HIRA: variants seen among roughly 807,000 people sequenced by gnomAD.
HIRA encodes histone cell cycle regulator, also known as protein HIRA.
In HIRA, 13 loss-of-function variants were observed where a neutral mutation model predicts 126.6. That is an observed-to-expected ratio of 0.10 (90% CI 0.07 to 0.16). The LOEUF is 0.16. Among genes scored for constraint, HIRA ranks in the 10% least tolerant of loss-of-function variants. The pLI is 1.00. For synonymous variants in HIRA, 511 were observed against 520.0 expected (o/e 0.98, Z 0.24); for missense variants, 834 against 1,314.4 (o/e 0.63, Z 5.65).
rs1176967053 is a variant in HIRA, at chr22:19,385,584, C to T, written c.1266G>A (p.Glu422=). 2.7e-5 allele frequency: 43 copies of T among 1,614,206 alleles called. No individual in the cohort carries two copies. The highest frequency in any genetic ancestry group is 3.6e-5 in the Non-Finnish European group (43 of 1,180,048). The stretch of plus-strand genomic sequence containing the variant: ...CTGCGACTGAGGTGGCTGAGCCCAT[C>T]TCCCTGGTCGCAGCACTCTTCTGGT... ...QLDQKSAATR[E]MGSATSVAGV... The change falls in exon 12 of 25, where the codon GAG becomes GAA. Residue 422 remains glutamate, a synonymous_variant. Coordinates refer to ENST00000263208, the MANE Select transcript of HIRA (RefSeq NM_003325.4).
At chr22:19,405,648 G>A in intron 5 of HIRA, 138 bp downstream of exon 5, 1 of 846,392 alleles carries the variant, frequency 1.2e-6, no homozygotes, top group Non-Finnish European at 1.6e-6. Context: ...GGCAGGGTGT[G>A]ACTGATTGTG....
At chr22:19,367,405 T>C (rs1442280476) in intron 15 of HIRA, among the ~76,000 whole-genome samples, 1 of 151,378 alleles carries the variant, frequency 6.6e-6, no homozygotes, top group African/African-American at 2.4e-5. Context: ...CTCACTCTGT[T>C]GCTCAGGCTG....
intron 1 of HIRA, among the ~76,000 whole-genome samples, chr22:19,429,012 G>A (rs1350012021): frequency 1.3e-5 from 2 of 152,022 alleles, no homozygotes; most frequent in African/African-American, 4.8e-5. Context: ...CTCCTCCAGG[G>A]CAGTGGTAAT....
At chr22:19,412,937 G>C (rs2089365674) in intron 1 of HIRA, among the ~76,000 whole-genome samples, 1 of 152,162 alleles carries the variant, frequency 6.6e-6, no homozygotes, top group East Asian at 1.9e-4. Flanking sequence ...TTCACAAGCA[G>C]AAAGCCACCT....
chr22:19,420,715 T>TAA lies in HIRA; in HGVS notation c.38-9939_38-9938dup, dbSNP rs35873008. ...GAGCGACAAAGTAAGACCTTGTCTT[T>TAA]AAAAAAAAAAGTTATCTGCAAGGGT... is the stretch of plus-strand genomic sequence containing the variant. On this transcript the variant is annotated intron_variant, in intron 1 of 24. Coordinates refer to ENST00000263208, the MANE Select transcript of HIRA (RefSeq NM_003325.4). 4.4e-3 allele frequency among the ~76,000 whole-genome samples: 652 copies of TAA among 149,256 alleles called. 5 individuals are homozygous for TAA. Among genetic ancestry groups the TAA allele is most frequent in the African/African-American group, 0.015 (614 of 40,846 alleles).
chr22:19,361,486 G>C (rs905438516), intron 16 of HIRA, 145 bp from the exon 17 acceptor site: 10 of 784,364 alleles, frequency 1.3e-5, no homozygotes, highest in Non-Finnish European at 1.9e-5. Context: ...AATGCTACAA[G>C]GATCCTAACC....
intron 5 of HIRA, among the ~76,000 whole-genome samples, chr22:19,405,120 G>A (rs1406442554): frequency 6.6e-6 from 1 of 151,760 alleles, no homozygotes; most frequent in Non-Finnish European, 1.5e-5. Context: ...TCCCTGCCTT[G>A]TCTATAAAGA....
intron 23 of HIRA, among the ~76,000 whole-genome samples, chr22:19,353,076 G>C (rs1228927530): frequency 6.6e-6 from 1 of 152,236 alleles, no homozygotes; most frequent in African/African-American, 2.4e-5. Context: ...CATAGAATCT[G>C]CTCCTTCAGA....
At chr22:19,356,430 T>C (rs891380530) in intron 19 of HIRA, 142 bp from the exon 20 acceptor site, 14 of 680,800 alleles carry the variant, frequency 2.1e-5, no homozygotes, top group Non-Finnish European at 3.6e-5. Flanking sequence ...GGGCTACGAG[T>C]GGCTTCTGCT....
intron 24 of HIRA, among the ~76,000 whole-genome samples, chr22:19,339,988 CAGAG>C (rs2088609258): frequency 6.6e-6 from 1 of 152,094 alleles, no homozygotes. Context: ...TTACAAAAGA[CAGAG>C]AAAGAGGGAA....
intron 15 of HIRA, among the ~76,000 whole-genome samples, chr22:19,363,457 G>A (rs1329985832): frequency 6.6e-6 from 1 of 151,594 alleles, no homozygotes; most frequent in African/African-American, 2.4e-5. Flanking sequence ...CAAAAAATAA[G>A]TAAATAAATA....
chr22:19,423,458 CACACACTGACTCACACACATGCAT>C (rs1223125944), intron 1 of HIRA, among the ~76,000 whole-genome samples: 1 of 149,728 alleles, frequency 6.7e-6, no homozygotes, highest in Non-Finnish European at 1.5e-5. Flanking sequence ...TGAAAACATA[CACACACTGACTCACACACATGCAT>C]ACACACACAC....
Position 19,375,760 on chromosome 22 carries a change from G to A in HIRA, c.1646C>T (p.Ser549Leu), listed in dbSNP as rs770436579. 13 of 1,614,056 alleles carry A rather than the reference G, an allele frequency of 8.1e-6. No homozygotes were observed. The highest frequency in any genetic ancestry group is 1.3e-5 in the African/African-American group (1 of 74,908). ...MNATSTPAAL[S>L]PSVLTTPSKI... ...GGACGGGGTCGTTAACACAGAAGGT[G>A]ACAATGCAGCAGGAGTAGAGGTAGC... The change falls in exon 15 of 25, where the codon TCA (serine) becomes TTA (leucine). Residue 549 changes from serine (S) to leucine (L), a missense_variant. Physicochemically the swap from Ser to Leu is moderately radical, Grantham distance 145 (BLOSUM62 -2). This residue lies in a region of HIRA where 468 missense variants were observed against 574.2 expected (regional missense o/e 0.82). Transcript: ENST00000263208.
chr22:19,431,552 G>C lies in HIRA; in HGVS notation c.-76C>G. ...GCGCCCGGGCCATGGAGCCACCGCCGCCGCTTCCTCCCGCGCCACCCGCCC... is the reference window on the plus strand; with the variant it reads ...GCGCCCGGGCCATGGAGCCACCGCCCCCGCTTCCTCCCGCGCCACCCGCCC... On this transcript the variant is annotated 5_prime_UTR_variant, in exon 1 of 25. Coordinates refer to ENST00000263208, the MANE Select transcript of HIRA (RefSeq NM_003325.4). 1 of 1,167,186 alleles carries C rather than the reference G, an allele frequency of 8.6e-7. No individual in the cohort carries two copies. Among genetic ancestry groups the C allele is most frequent in the Non-Finnish European group, 1.1e-6 (1 of 936,084 alleles). The allele number at this position is 1,167,186 out of a possible 1,614,324, so 72.3% of individuals were successfully genotyped here. A position where few individuals can be genotyped will look rare whatever the true frequency, so the allele number is the denominator to read the frequency against.
At chr22:19,428,393 AC>A (rs1349615049) in intron 1 of HIRA, among the ~76,000 whole-genome samples, 3 of 152,230 alleles carry the variant, frequency 2.0e-5, no homozygotes, top group African/African-American at 4.8e-5. Flanking sequence ...GGCCAAGGAT[AC>A]TAGAAACATT....
chr22:19,391,205 C>G (rs908918093), intron 9 of HIRA, among the ~76,000 whole-genome samples: 2 of 152,136 alleles, frequency 1.3e-5, no homozygotes, highest in Non-Finnish European at 2.9e-5. Flanking sequence ...ATACACGAAT[C>G]TCAAAAACAC....
chr22:19,377,045 A>G (rs1357996190), intron 14 of HIRA, among the ~76,000 whole-genome samples: 1 of 152,200 alleles, frequency 6.6e-6, no homozygotes, highest in Admixed American at 6.5e-5. Context: ...GGCCTTCCTC[A>G]GGGGACTGGG....
intron 1 of HIRA, among the ~76,000 whole-genome samples, chr22:19,428,102 G>A (rs1280014096): frequency 1.3e-5 from 2 of 152,214 alleles, no homozygotes; most frequent in Middle Eastern, 3.4e-3. Context: ...ATTTTACCAA[G>A]GCCCAGAAGT....
chr22:19,376,073 C>T (rs913504213), intron 14 of HIRA, among the ~76,000 whole-genome samples: 1 of 152,102 alleles, frequency 6.6e-6, no homozygotes, highest in Non-Finnish European at 1.5e-5. Context: ...ATGGTTCTTA[C>T]AACCCTTTTC....
Sources: gnomAD v4.1 joint callset for allele counts (sites outside exome capture counted in the v4.1 genomes callset) on GRCh38, gnomAD v4.1.1 for gene constraint, gnomAD v4.1.1 regional missense constraint, MANE v1.5 for transcripts, NCBI Gene and HGNC (gene_info 2026-07-23, HGNC 2026-07-21) for gene names.